Variants in SYT14 observed in about 807,000 individuals in gnomAD.
The protein encoded by SYT14 is synaptotagmin-14.
In SYT14, 32 loss-of-function variants were observed where a neutral mutation model predicts 74.2. The observed-to-expected ratio is 0.43, with a 90% CI of 0.33 to 0.58. The LOEUF is 0.58. SYT14 is among the 20% of genes least tolerant of loss of function. The pLI, the probability that SYT14 is intolerant of heterozygous loss-of-function variation, is 0.05. For synonymous variants in SYT14, 298 were observed against 337.7 expected (o/e 0.88, Z 1.29); for missense variants, 791 against 981.8 (o/e 0.81, Z 2.60).
At chr1:209,991,476 G>T (rs763675951) in intron 2 of SYT14, among the ~76,000 whole-genome samples, 1 of 152,090 alleles carries the variant, frequency 6.6e-6, no homozygotes, top group Non-Finnish European at 1.5e-5. Context: ...CAACGGAAAT[G>T]CACAGACATT....
At chr1:210,039,918 T>C (rs186796384) in intron 5 of SYT14, among the ~76,000 whole-genome samples, 24 of 152,298 alleles carry the variant, frequency 1.6e-4, no homozygotes, top group Middle Eastern at 3.4e-3. Flanking sequence ...AGGAACACTT[T>C]TACACTGTTG....
At chr1:210,083,710 T>C (rs1258298442) in intron 5 of SYT14, among the ~76,000 whole-genome samples, 2 of 151,862 alleles carry the variant, frequency 1.3e-5, no homozygotes, top group African/African-American at 4.8e-5. Flanking sequence ...GCTGGGACCA[T>C]AGACACACGT....
chr1:209,972,660 G>A (rs2079276984), intron 2 of SYT14, among the ~76,000 whole-genome samples: 1 of 152,152 alleles, frequency 6.6e-6, no homozygotes, highest in African/African-American at 2.4e-5. Context: ...GTGGTTTTGA[G>A]AGATCTTCTT....
intron 1 of SYT14, among the ~76,000 whole-genome samples, chr1:209,950,961 T>G (rs2078902474): frequency 6.6e-6 from 1 of 152,232 alleles, no homozygotes; most frequent in South Asian, 2.1e-4. Context: ...GAAAGAAATA[T>G]GTCTACATGG....
chr1:209,965,524 G>A (rs1184237333), intron 2 of SYT14, among the ~76,000 whole-genome samples: 1 of 152,178 alleles, frequency 6.6e-6, no homozygotes, highest in Non-Finnish European at 1.5e-5. Flanking sequence ...AAACATATAA[G>A]TGCGTGTATC....
At chr1:210,149,079 G>A (rs535949277) in intron 7 of SYT14, among the ~76,000 whole-genome samples, 21 of 151,466 alleles carry the variant, frequency 1.4e-4, no homozygotes, top group Non-Finnish European at 2.5e-4. Context: ...ACTTATAAGC[G>A]TATAGGCAGA....
exon 10 of SYT14, chr1:210,165,196 A>G (rs2083442851): frequency 6.6e-6 from 1 of 152,058 alleles, no homozygotes; most frequent in South Asian, 2.1e-4. Flanking sequence ...TCTAAAACCC[A>G]TGCTATGCAT....
intron 7 of SYT14, among the ~76,000 whole-genome samples, chr1:210,136,733 C>T (rs1273374856): frequency 1.3e-5 from 2 of 151,946 alleles, no homozygotes; most frequent in Admixed American, 6.6e-5. Context: ...GTAACTTTGG[C>T]GAAGACCTCA....
intron 7 of SYT14, among the ~76,000 whole-genome samples, chr1:210,155,439 T>C (rs1178604989): frequency 1.3e-5 from 2 of 152,250 alleles, no homozygotes. Flanking sequence ...AAAAACAGTT[T>C]ATTAGCATCT....
rs1194556570 is a variant in SYT14 at position 209,979,972 on chromosome 1, T to C, written c.-486+27216T>C. On this transcript the variant is annotated intron_variant, in intron 2 of 9. Transcript: ENST00000637265. ...TATACTTCTTTGGGCATATACCCAG[T>C]AATGGGAGCATTGCTGGGTCAAATG... Among the ~76,000 whole-genome samples, 7 of 152,358 alleles carry C rather than the reference T, an allele frequency of 4.6e-5. No homozygotes were observed. In the East Asian group the frequency reaches 1.2e-3, roughly 25 times the overall value.
chr1:210,012,850 C>T lies in SYT14; in HGVS notation c.-485-783C>T, dbSNP rs184275439. ...CTGAGTAGCTGGGATTACAGGTGCCCGCCACTACACCTGGGTAATTTTTGT... is the reference window on the plus strand; with the variant it reads ...CTGAGTAGCTGGGATTACAGGTGCCTGCCACTACACCTGGGTAATTTTTGT... On this transcript the variant is annotated intron_variant, in intron 2 of 9. Transcript: ENST00000637265. Among the ~76,000 whole-genome samples, 214 of 151,204 alleles carry T rather than the reference C, an allele frequency of 1.4e-3. 4 individuals carry two copies. In the East Asian group the frequency reaches 0.036, roughly 25 times the overall value.
rs549521690 is a variant in SYT14 at position 210,114,860 on chromosome 1, G to A, written c.2034+14399G>A. Among the ~76,000 whole-genome samples the A allele has an allele frequency of 4.2e-4, 63 of 151,016 alleles. 2 individuals are homozygous for A. Among genetic ancestry groups the A allele is most frequent in the African/African-American group, 1.5e-3 (60 of 40,448 alleles). ...ATGAGGAAGAATTGGGACCTGGCTC[G>A]GCCTAGCAAGGAGCAGCCTGGGGAG... On this transcript the variant is annotated intron_variant, in intron 7 of 9. Coordinates refer to ENST00000637265, the Ensembl canonical transcript of SYT14.
At chr1:210,145,421 C>G (rs551762686) in intron 7 of SYT14, among the ~76,000 whole-genome samples, 45 of 152,272 alleles carry the variant, frequency 3.0e-4, no homozygotes, top group Non-Finnish European at 5.6e-4. Flanking sequence ...ACTTTTCTTA[C>G]CACCGCATTT....
intron 5 of SYT14, among the ~76,000 whole-genome samples, chr1:210,025,914 A>C (rs1558137499): frequency 6.6e-6 from 1 of 152,162 alleles, no homozygotes; most frequent in Non-Finnish European, 1.5e-5. Context: ...TTAGGTCATC[A>C]CTGCTACTTT....
chr1:210,063,620 C>T (rs1389075566), intron 5 of SYT14, among the ~76,000 whole-genome samples: 1 of 151,518 alleles, frequency 6.6e-6, no homozygotes, highest in South Asian at 2.1e-4. Flanking sequence ...TTTTTTGATG[C>T]CCTTCCTTTC....
At chr1:210,064,701 T>C (rs1386356098) in intron 5 of SYT14, among the ~76,000 whole-genome samples, 1 of 152,070 alleles carries the variant, frequency 6.6e-6, no homozygotes, top group African/African-American at 2.4e-5. Context: ...CTTTTGGCTA[T>C]TGTGAATAAT....
At chr1:210,115,157 C>T (rs146279968) in intron 7 of SYT14, among the ~76,000 whole-genome samples, 10,092 of 150,368 alleles carry the variant, frequency 0.067, 1,290 homozygotes, top group East Asian at 0.41. Flanking sequence ...GAACCATTGT[C>T]GAGTTTGTAT....
chr1:209,995,571 T>C (rs1230594375), intron 2 of SYT14, among the ~76,000 whole-genome samples: 1 of 152,116 alleles, frequency 6.6e-6, no homozygotes, highest in Non-Finnish European at 1.5e-5. Flanking sequence ...CAGTGTTAGA[T>C]CATCAAGGCA....
intron 2 of SYT14, among the ~76,000 whole-genome samples, chr1:209,975,836 G>T (rs2079351876): frequency 6.6e-6 from 1 of 152,048 alleles, no homozygotes. Flanking sequence ...TCTGATCCGG[G>T]CCTTTTTTGG....
Sources: gnomAD v4.1 joint callset for allele counts (sites outside exome capture counted in the v4.1 genomes callset) on GRCh38, gnomAD v4.1.1 for gene constraint, MANE v1.5 for transcripts, NCBI Gene and HGNC (gene_info 2026-07-23, HGNC 2026-07-21) for gene names.